Variants in B4GALT2 observed in about 807,000 individuals in gnomAD.
B4GALT2 encodes N-acetyllactosamine synthase.
B4GALT2 carries 18 observed loss-of-function variants against 33.2 expected under a neutral mutation model. That is an observed-to-expected ratio of 0.54 (90% CI 0.38 to 0.80). B4GALT2 has a LOEUF of 0.80. Ranked by LOEUF, B4GALT2 falls within the 30% of genes least tolerant of loss-of-function variation. The pLI, the probability that B4GALT2 is intolerant of heterozygous loss-of-function variation, is 0.00. For synonymous variants in B4GALT2, 214 were observed against 217.6 expected, an observed-to-expected ratio of 0.98 and a Z score of 0.15; for missense variants, 404 against 526.2, an observed-to-expected ratio of 0.77 and a Z score of 2.27.
In B4GALT2 at chr1:43,988,379, G is replaced by A. The variant is rs551980883; in HGVS notation, c.969-1919G>A. 6.7e-5 allele frequency among the ~76,000 whole-genome samples: 10 copies of A among 148,186 alleles called. No individual in the cohort carries two copies. In the East Asian group the frequency reaches 1.6e-3, roughly 23 times the overall value. On this transcript the variant is annotated intron_variant, in intron 6 of 6. Coordinates refer to ENST00000372324, the MANE Select transcript of B4GALT2 (RefSeq NM_003780.5). ...TACAAAAAAAAAAAAAAAAAAAGAC[G>A]GGGCACGGTGGCTCATGCCTGTAAT...
Position 43,990,726 on chromosome 1 carries a change from C to T in B4GALT2, c.*278C>T, listed in dbSNP as rs540165781. 2.7e-3 allele frequency: 1,291 copies of T among 481,816 alleles called. 6 individuals are homozygous for T. Among genetic ancestry groups the T allele is most frequent in the Non-Finnish European group, 3.8e-3 (998 of 262,878 alleles). 29.8% of individuals were successfully genotyped at this position (481,816 alleles called of 1,614,324 possible). The stretch of plus-strand genomic sequence containing the variant: ...GCCCCAGTCACTGTCAGGGTCGGGC[C>T]AGCCCCTGCACTGCCTCGCAGAGTG... On this transcript the variant is annotated 3_prime_UTR_variant, in exon 7 of 7. Coordinates refer to ENST00000372324, the MANE Select transcript of B4GALT2 (RefSeq NM_003780.5).
In B4GALT2 at chr1:43,985,730, C is replaced by T; in HGVS notation, c.968+109C>T. ...GATCCCCCAGTGGGGGACCTCCAAGCATCCTTGACTCCAAAAAGGTGACTC... is the reference window on the plus strand; with the variant it reads ...GATCCCCCAGTGGGGGACCTCCAAGTATCCTTGACTCCAAAAAGGTGACTC... On this transcript the variant is annotated intron_variant, in intron 6 of 6. Coordinates refer to ENST00000372324, the MANE Select transcript of B4GALT2 (RefSeq NM_003780.5). 3.0e-6 allele frequency: 3 copies of T among 1,011,490 alleles called. No homozygotes were observed. The South Asian group carries it at 4.1e-5, about 14-fold the overall frequency. The allele number at this position is 1,011,490 out of a possible 1,614,324, so 62.7% of individuals were successfully genotyped here.
chr1:43,988,450 T>C (rs2085684151), intron 6 of B4GALT2, among the ~76,000 whole-genome samples: 1 of 150,332 alleles, frequency 6.7e-6, no homozygotes, highest in Non-Finnish European at 1.5e-5. Flanking sequence ...CTGAGGTCAG[T>C]AGTTCGAGAC....
Position 43,990,845 on chromosome 1 carries a change from G to T in B4GALT2, c.*397G>T, listed in dbSNP as rs2085724867. 4.8e-6 allele frequency: 1 copy of T among 208,136 alleles called. No individual in the cohort carries two copies. Among genetic ancestry groups the T allele is most frequent in the Non-Finnish European group, 9.9e-6 (1 of 100,760 alleles). 12.9% of individuals were successfully genotyped at this position (208,136 alleles called of 1,614,324 possible). ...GGGTGGGAGGTATGTCTAGGGGGCA[G>T]TGTCTCTTCCAGGGGGAATTCTCAG... On this transcript the variant is annotated 3_prime_UTR_variant, in exon 7 of 7. Transcript: ENST00000372324.
Position 43,981,849 on chromosome 1 carries a change from G to A in B4GALT2, c.474G>A (p.Leu158=). 2 of 1,613,370 alleles carry A rather than the reference G, an allele frequency of 1.2e-6. No homozygotes were observed. The highest frequency in any genetic ancestry group is 1.7e-6 in the Non-Finnish European group (2 of 1,179,828). The change falls in exon 3 of 7, where the codon CTG becomes CTA. Residue 158 remains leucine (L), a synonymous_variant. Coordinates refer to ENST00000372324, the MANE Select transcript of B4GALT2 (RefSeq NM_003780.5). The surrounding 1 kb of genome is among the most constrained non-coding windows in gnomAD (Gnocchi z 8.1). The stretch of plus-strand genomic sequence containing the variant: ...CCTTTAGACACCGGGAACACCACCT[G>A]CGCTACTGGCTCCACTATCTACACC... ...IIPFRHREHH[L]RYWLHYLHPI...
At position 43,981,755 on chromosome 1, in the gene B4GALT2, G is replaced by A. The variant is rs1231521570; in HGVS notation, c.380G>A (p.Gly127Asp). The A allele has an allele frequency of 6.2e-7, 1 of 1,613,512 alleles. No homozygotes were observed. The highest frequency in any genetic ancestry group is 8.5e-7 in the Non-Finnish European group (1 of 1,180,002). The change falls in exon 3 of 7, where the codon GGC (glycine) becomes GAC (aspartate). Residue 127 changes from glycine to aspartate, a missense_variant. Gly to Asp is a moderately conservative substitution (Grantham distance 94). Transcript: ENST00000372324. This position sits in a 1 kb window ranked among gnomAD's most constrained non-coding sequence, Gnocchi z 8.1. ...GAGCGGGTGCAGAGGGAGAACCCAG[G>A]CGTGCTCATGGGCGGCCGATACACA... ...PLERVQRENP[G>D]VLMGGRYTPP...
At chr1:43,987,882 T>C (rs953114309) in intron 6 of B4GALT2, among the ~76,000 whole-genome samples, 2 of 152,222 alleles carry the variant, frequency 1.3e-5, no homozygotes, top group African/African-American at 4.8e-5. Context: ...AGGGTCACCA[T>C]GTGCTCTGAC....
chr1:43,986,758 G>A (rs1057086195), intron 6 of B4GALT2, among the ~76,000 whole-genome samples: 7 of 152,206 alleles, frequency 4.6e-5, no homozygotes, highest in Non-Finnish European at 1.0e-4. Context: ...CCTGAAGAAG[G>A]GAGAGGCGGG....
chr1:43,985,414 C>A lies in B4GALT2; in HGVS notation c.863+14C>A. On this transcript the variant is annotated intron_variant, in intron 5 of 6. Transcript: ENST00000372324. ...CATCTTCAACCGGTGAGTAAGCACGCGGTGGGGAATAGGCTGGGTGGGGGG... is the reference window on the plus strand; with the variant it reads ...CATCTTCAACCGGTGAGTAAGCACGAGGTGGGGAATAGGCTGGGTGGGGGG... 2.5e-6 allele frequency: 2 copies of A among 784,826 alleles called. No homozygotes were observed. The highest frequency in any genetic ancestry group is 3.4e-6 in the Non-Finnish European group (2 of 589,548). 48.6% of individuals were successfully genotyped at this position (784,826 alleles called of 1,614,324 possible). A position where few individuals can be genotyped will look rare whatever the true frequency, so the allele number is the denominator to read the frequency against.
chr1:43,989,112 C>G (rs951385750), intron 6 of B4GALT2, among the ~76,000 whole-genome samples: 1 of 152,052 alleles, frequency 6.6e-6, no homozygotes, highest in African/African-American at 2.4e-5. Context: ...TTTGGGTAGT[C>G]AAGGCGGGTG....
chr1:43,989,575 C>T (rs911401663), intron 6 of B4GALT2, among the ~76,000 whole-genome samples: 3 of 152,200 alleles, frequency 2.0e-5, no homozygotes, highest in African/African-American at 7.2e-5. Flanking sequence ...ATCGAACAAA[C>T]ATGCATGTTA....
chr1:43,990,932 G>C lies in B4GALT2; in HGVS notation c.*484G>C, dbSNP rs750342732. The C allele has an allele frequency of 2.8e-4, 47 of 168,470 alleles. No individual in the cohort carries two copies. The highest frequency in any genetic ancestry group is 7.2e-4 in the Admixed American group (13 of 18,032). The allele number at this position is 168,470 out of a possible 1,614,324, so 10.4% of individuals were successfully genotyped here. A position where few individuals can be genotyped will look rare whatever the true frequency, so the allele number is the denominator to read the frequency against. On this transcript the variant is annotated 3_prime_UTR_variant, in exon 7 of 7. Transcript: ENST00000372324. ...CCTTTTTCATTCAACATTGTAGGGG[G>C]CAAGCTTTGGTGCGCCCCCTGCTGA...
rs1046271131 is a variant in B4GALT2, at chr1:43,984,380, C to T, written c.550-485C>T. ...CAGGGCTGGCCATCTCCAGAATCCC[C>T]GCTAGCACAAAGGAGAGAGCGCCAC... On this transcript the variant is annotated intron_variant, in intron 3 of 6. Coordinates refer to ENST00000372324, the MANE Select transcript of B4GALT2 (RefSeq NM_003780.5). This position sits in a 1 kb window ranked among gnomAD's most constrained non-coding sequence, Gnocchi z 5.6. 7.9e-5 allele frequency among the ~76,000 whole-genome samples: 12 copies of T among 152,234 alleles called. No individual in the cohort carries two copies. Among genetic ancestry groups the T allele is most frequent in the South Asian group, 4.1e-4 (2 of 4,832 alleles).
intron 6 of B4GALT2, chr1:43,985,879 G>T (rs911043935): frequency 3.6e-6 from 2 of 551,582 alleles, no homozygotes; most frequent in East Asian, 6.2e-5. Flanking sequence ...CTGATTCCTA[G>T]AGGTGACCAG....
intron 6 of B4GALT2, among the ~76,000 whole-genome samples, chr1:43,988,846 C>A (rs1252250100): frequency 5.8e-3 from 554 of 94,998 alleles, no homozygotes; most frequent in Middle Eastern, 0.014. Flanking sequence ...GACTCTGTCT[C>A]AAAAAAAAAA....
At position 43,984,887 on chromosome 1, in the gene B4GALT2, G is replaced by A. The variant is rs539906206; in HGVS notation, c.572G>A (p.Arg191Gln). The A allele has an allele frequency of 6.2e-7, 1 of 1,613,908 alleles. No individual in the cohort carries two copies. The highest frequency in any genetic ancestry group is 1.3e-5 in the African/African-American group (1 of 75,040). Reference protein sequence around the residue: ...INQHGEDTFNRAKLLNVGFLE... With the variant: ...INQHGEDTFNQAKLLNVGFLE... ...CAGCATGGTGAGGACACCTTCAACC[G>A]GGCCAAGCTGCTTAACGTGGGCTTC... Residue 191 changes from arginine (R) to glutamine (Q), a missense_variant, in exon 4 of 7, where the codon CGG becomes CAG. Physicochemically the swap from Arg to Gln is conservative, Grantham distance 43. Coordinates refer to ENST00000372324, the MANE Select transcript of B4GALT2 (RefSeq NM_003780.5). This position sits in a 1 kb window ranked among gnomAD's most constrained non-coding sequence, Gnocchi z 5.6.
chr1:43,986,920 G>A (rs929423790), intron 6 of B4GALT2, among the ~76,000 whole-genome samples: 1 of 152,184 alleles, frequency 6.6e-6, no homozygotes, highest in Non-Finnish European at 1.5e-5. Context: ...TGGGGATGGA[G>A]GTGCTGTGTC....
At chr1:43,983,698 G>C (rs957331343) in intron 3 of B4GALT2, among the ~76,000 whole-genome samples, 2 of 152,186 alleles carry the variant, frequency 1.3e-5, no homozygotes, top group African/African-American at 4.8e-5. Context: ...TTTTTCAGTT[G>C]GGAGAGGATT....
At chr1:43,983,770 G>A (rs1470340044) in intron 3 of B4GALT2, among the ~76,000 whole-genome samples, 1 of 152,156 alleles carries the variant, frequency 6.6e-6, no homozygotes. Flanking sequence ...AGGTCAGAAG[G>A]AGTGCTGCTG....
Sources: allele counts gnomAD v4.1 joint callset (sites outside exome capture counted in the v4.1 genomes callset), GRCh38; gene constraint gnomAD v4.1.1; non-coding constraint Gnocchi (gnomAD v3.1); transcripts MANE v1.5; gene names NCBI Gene and HGNC (gene_info 2026-07-23, HGNC 2026-07-21).